GABARAPL1: variants seen among roughly 807,000 people sequenced by gnomAD.
GABARAPL1 encodes the protein gamma-aminobutyric acid receptor-associated protein-like 1.
Under a neutral mutation model 14.5 loss-of-function variants are expected in GABARAPL1, and 4 were observed. That is an observed-to-expected ratio of 0.28 (90% CI 0.14 to 0.63). GABARAPL1 has a LOEUF of 0.63. Among genes scored for constraint, GABARAPL1 ranks in the 30% least tolerant of loss-of-function variants. The pLI, the probability that GABARAPL1 is intolerant of heterozygous loss-of-function variation, is 0.84. For missense variants in GABARAPL1, 82 were observed against 139.2 expected (o/e 0.59, Z 2.07); for synonymous variants, 47 against 50.6 (o/e 0.93, Z 0.30).
chr12:10,218,728 GA>G (rs1464588994), intron 2 of GABARAPL1, among the ~76,000 whole-genome samples: 1 of 151,346 alleles, frequency 6.6e-6, no homozygotes, highest in Non-Finnish European at 1.5e-5. Context: ...TATTATTTGA[GA>G]TGGAGTTTCA....
intron 2 of GABARAPL1, among the ~76,000 whole-genome samples, chr12:10,219,345 A>C (rs536228885): frequency 1.5e-3 from 222 of 150,510 alleles, no homozygotes; most frequent in African/African-American, 3.5e-3. Context: ...AAAAAAAAAA[A>C]CCCCAAAATT....
chr12:10,216,784 C>T (rs1361957161), intron 1 of GABARAPL1, among the ~76,000 whole-genome samples: 1 of 152,096 alleles, frequency 6.6e-6, no homozygotes, highest in African/African-American at 2.4e-5. Flanking sequence ...AGATGATCCG[C>T]CCGCCTCGAC....
intron 1 of GABARAPL1, chr12:10,213,754 G>A: frequency 2.3e-6 from 1 of 438,648 alleles, no homozygotes; most frequent in Non-Finnish European, 4.6e-6. Flanking sequence ...ATTACAGGGG[G>A]TTAGGGGAGC....
intron 2 of GABARAPL1, among the ~76,000 whole-genome samples, chr12:10,218,854 A>C (rs893269378): frequency 6.6e-6 from 1 of 151,458 alleles, no homozygotes; most frequent in African/African-American, 2.4e-5. Flanking sequence ...GATTGCAGGC[A>C]CCTGCCACCA....
intron 2 of GABARAPL1, 121 bp from the exon 3 acceptor site, chr12:10,220,319 T>C (rs1949113342): frequency 5.6e-6 from 8 of 1,422,698 alleles, no homozygotes; most frequent in Non-Finnish European, 6.7e-6. Context: ...AGATGGTATA[T>C]AAAGCTGGTA....
chr12:10,219,837 G>C (rs562609124), intron 2 of GABARAPL1, among the ~76,000 whole-genome samples: 1 of 151,952 alleles, frequency 6.6e-6, no homozygotes, highest in Admixed American at 6.6e-5. Context: ...AGTCTTCATC[G>C]TGATCCTTAA....
At chr12:10,218,236 A>C (rs940522880) in intron 2 of GABARAPL1, 95 bp downstream of exon 2, 1 of 805,812 alleles carries the variant, frequency 1.2e-6, no homozygotes, top group Non-Finnish European at 2.2e-6. Flanking sequence ...GAGGCAGTAC[A>C]TACTTGAAGG....
chr12:10,216,537 C>CTTTT (rs71049067), intron 1 of GABARAPL1, among the ~76,000 whole-genome samples: 216 of 112,182 alleles, frequency 1.9e-3, no homozygotes, highest in Non-Finnish European at 2.4e-3. Flanking sequence ...ATTTTCTTTT[C>CTTTT]TTTTTTTTTT....
At chr12:10,215,094 A>G (rs1353122383) in intron 1 of GABARAPL1, among the ~76,000 whole-genome samples, 2 of 152,162 alleles carry the variant, frequency 1.3e-5, no homozygotes, top group Non-Finnish European at 2.9e-5. Flanking sequence ...GTTATGACGC[A>G]GGTTCCTTGA....
Position 10,221,919 on chromosome 12 carries a change from C to G in GABARAPL1, c.*67C>G. The stretch of plus-strand genomic sequence containing the variant: ...GTAGGGGAGGGGTGTGTGTGCGCGA[C>G]ATGGGGAAAGAGGGTGGCTCCCACC... On this transcript the variant is annotated 3_prime_UTR_variant, in exon 4 of 4. Coordinates refer to ENST00000266458, the MANE Select transcript of GABARAPL1 (RefSeq NM_031412.4). The G allele has an allele frequency of 1.4e-6, 2 of 1,457,380 alleles. No homozygotes were observed. Among genetic ancestry groups the G allele is most frequent in the South Asian group, 2.3e-5 (2 of 86,904 alleles). The allele number at this position is 1,457,380 out of a possible 1,614,324, so 90.3% of individuals were successfully genotyped here. A position where few individuals can be genotyped will look rare whatever the true frequency, so the allele number is the denominator to read the frequency against.
In GABARAPL1 at chr12:10,220,427, T is replaced by C; in HGVS notation, c.170-13T>C. 1.2e-6 allele frequency: 2 copies of C among 1,612,018 alleles called. No homozygotes were observed. The highest frequency in any genetic ancestry group is 1.7e-6 in the Non-Finnish European group (2 of 1,179,722). On this transcript the variant is annotated splice_polypyrimidine_tract_variant and intron_variant, in intron 2 of 3. Coordinates refer to ENST00000266458, the MANE Select transcript of GABARAPL1 (RefSeq NM_031412.4). Reference sequence around the variant, plus strand: ...TACTTTCTTTTCTGCCCTTTTCTTCTTCCATCATCCAGTTGGCCAGTTCTA... The same window carrying C: ...TACTTTCTTTTCTGCCCTTTTCTTCCTCCATCATCCAGTTGGCCAGTTCTA...
At chr12:10,213,240 G>A in intron 1 of GABARAPL1, 21 bp downstream of exon 1, 1 of 1,466,878 alleles carries the variant, frequency 6.8e-7, no homozygotes, top group East Asian at 2.4e-5. Context: ...AGGAGCGGAG[G>A]GGATGGGAGG....
At chr12:10,218,542 C>T (rs1949103036) in intron 2 of GABARAPL1, among the ~76,000 whole-genome samples, 1 of 151,896 alleles carries the variant, frequency 6.6e-6, no homozygotes, top group Non-Finnish European at 1.5e-5. Context: ...CACTGCACTC[C>T]ACCCTGGGCA....
chr12:10,216,483 CTTTT>C (rs1330479640), intron 1 of GABARAPL1, among the ~76,000 whole-genome samples: 1 of 148,200 alleles, frequency 6.7e-6, no homozygotes, highest in Admixed American at 6.7e-5. Flanking sequence ...TGCGTCTTCA[CTTTT>C]TTTTCTGCAT....
intron 1 of GABARAPL1, among the ~76,000 whole-genome samples, chr12:10,216,129 C>T (rs112354452): frequency 0.025 from 3,852 of 152,058 alleles, 162 homozygotes; most frequent in African/African-American, 0.087. Context: ...GCAGTACTTC[C>T]GGAGGCTGAG....
intron 1 of GABARAPL1, among the ~76,000 whole-genome samples, chr12:10,216,476 G>T (rs1424933021): frequency 9.5e-5 from 14 of 147,706 alleles, no homozygotes; most frequent in Non-Finnish European, 1.9e-4. Context: ...TTTTTTCTGC[G>T]TCTTCACTTT....
At chr12:10,213,835 G>A in intron 1 of GABARAPL1, 1 of 455,952 alleles carries the variant, frequency 2.2e-6, no homozygotes, top group Non-Finnish European at 4.4e-6. Flanking sequence ...CATCGTTCTA[G>A]GCTCCGGGGC....
chr12:10,218,078 G>C lies in GABARAPL1; in HGVS notation c.106G>C (p.Ala36Pro). 1.2e-6 allele frequency: 2 copies of C among 1,603,352 alleles called. No individual in the cohort carries two copies. Among genetic ancestry groups the C allele is most frequent in the East Asian group, 4.5e-5 (2 of 44,826 alleles). The change falls in exon 2 of 4, where the codon GCT (alanine) becomes CCT (proline). Residue 36 changes from alanine to proline, a missense_variant. Physicochemically the swap from Ala to Pro is conservative, Grantham distance 27. Transcript: ENST00000266458. The stretch of plus-strand genomic sequence containing the variant: ...CTTCTTCCAGGTGATTGTAGAGAAG[G>C]CTCCAAAAGCCAGGGTGCCTGATCT... ...PDRVPVIVEK[A>P]PKARVPDLDK...
chr12:10,218,009 A>G, intron 1 of GABARAPL1, 54 bp from the exon 2 acceptor site: 1 of 1,093,226 alleles, frequency 9.1e-7, no homozygotes, highest in Non-Finnish European at 1.4e-6. Flanking sequence ...TAGAAGGAAA[A>G]ATACTAGATT....
Sources: gnomAD v4.1 joint callset for allele counts (sites outside exome capture counted in the v4.1 genomes callset) on GRCh38, gnomAD v4.1.1 for gene constraint, MANE v1.5 for transcripts, NCBI Gene and HGNC (gene_info 2026-07-23, HGNC 2026-07-21) for gene names.